Variants in DNER observed in about 807,000 individuals in gnomAD.
DNER encodes the protein delta and Notch-like epidermal growth factor-related receptor.
In DNER, 33 loss-of-function variants were observed where a neutral mutation model predicts 78.2. The observed-to-expected ratio is 0.42, with a 90% confidence interval of 0.32 to 0.56. The LOEUF (loss-of-function observed/expected upper bound fraction) is 0.56, where lower values mean the gene tolerates loss of function less well. Among genes scored for constraint, DNER ranks in the 20% least tolerant of loss-of-function variants. The pLI, the probability that DNER is intolerant of heterozygous loss-of-function variation, is 0.11. For synonymous variants in DNER, 417 were observed against 384.8 expected (o/e 1.08, Z -0.98); for missense variants, 918 against 975.3 (o/e 0.94, Z 0.78).
In DNER at chr2:229,509,089, G is replaced by A. The variant is rs149972504; in HGVS notation, c.1147+3694C>T. On this transcript the variant is annotated intron_variant, in intron 6 of 12. Transcript: ENST00000341772. ...GGTTTCACTGGTGCTTAGCAAATAT[G>A]TAAAAATAGGCTATGCGTGAACAAG... Among the ~76,000 whole-genome samples the A allele has an allele frequency of 1.2e-4, 18 of 152,264 alleles. No homozygotes were observed. In the East Asian group the frequency reaches 3.3e-3, roughly 28 times the overall value.
At chr2:229,472,485 G>A (rs1276377899) in intron 7 of DNER, among the ~76,000 whole-genome samples, 2 of 152,082 alleles carry the variant, frequency 1.3e-5, no homozygotes, top group Non-Finnish European at 2.9e-5. Flanking sequence ...TTAAGATACT[G>A]ATAATGGCTA....
chr2:229,519,555 C>G (rs895566994), intron 5 of DNER, among the ~76,000 whole-genome samples: 4 of 151,976 alleles, frequency 2.6e-5, no homozygotes, highest in Admixed American at 2.6e-4. Flanking sequence ...AGAACAGACT[C>G]AAAAAAGAGG....
At chr2:229,695,280 A>G (rs558246794) in intron 1 of DNER, among the ~76,000 whole-genome samples, 18 of 152,314 alleles carry the variant, frequency 1.2e-4, no homozygotes, top group Non-Finnish European at 4.4e-5. Flanking sequence ...CTCATCATCT[A>G]TCAAGTAGGG....
intron 1 of DNER, among the ~76,000 whole-genome samples, chr2:229,686,399 A>G (rs900217883): frequency 6.6e-6 from 1 of 152,156 alleles, no homozygotes; most frequent in African/African-American, 2.4e-5. Flanking sequence ...ATGCTGCAGC[A>G]TGGTGGACTC....
chr2:229,466,344 C>T (rs780951165), intron 7 of DNER, among the ~76,000 whole-genome samples: 2 of 152,170 alleles, frequency 1.3e-5, no homozygotes, highest in African/African-American at 2.4e-5. Context: ...TCCCTAACCT[C>T]GCCCTGCTTT....
At chr2:229,654,624 T>C (rs555624126) in intron 1 of DNER, among the ~76,000 whole-genome samples, 17 of 152,280 alleles carry the variant, frequency 1.1e-4, no homozygotes, top group African/African-American at 3.8e-4. Context: ...GGTCCCGAAT[T>C]CCAACTCTCT....
At chr2:229,574,690 T>C (rs941557048) in intron 4 of DNER, among the ~76,000 whole-genome samples, 1 of 152,188 alleles carries the variant, frequency 6.6e-6, no homozygotes, top group Non-Finnish European at 1.5e-5. Context: ...AGAGTCTTTT[T>C]CATTCTTCAA....
At chr2:229,521,643 C>T (rs921801995) in intron 5 of DNER, among the ~76,000 whole-genome samples, 3 of 152,194 alleles carry the variant, frequency 2.0e-5, no homozygotes, top group Non-Finnish European at 4.4e-5. Flanking sequence ...TAACCTCCTA[C>T]TAAACCCAGA....
At chr2:229,478,547 G>A (rs1339732707) in intron 6 of DNER, among the ~76,000 whole-genome samples, 1 of 152,098 alleles carries the variant, frequency 6.6e-6, no homozygotes, top group East Asian at 1.9e-4. Flanking sequence ...CAAACACCAG[G>A]AGAAAAGGCT....
intron 5 of DNER, among the ~76,000 whole-genome samples, chr2:229,520,411 C>T (rs144274899): frequency 9.9e-5 from 15 of 152,258 alleles, no homozygotes; most frequent in African/African-American, 2.6e-4. Context: ...TGCTAAAGGA[C>T]CCCCCAGGCC....
intron 10 of DNER, among the ~76,000 whole-genome samples, chr2:229,406,991 A>C (rs569454198): frequency 1.3e-5 from 2 of 152,222 alleles, no homozygotes; most frequent in African/African-American, 4.8e-5. Flanking sequence ...GGAAAGGTAC[A>C]GTAATGATAG....
chr2:229,387,865 G>C (rs1007392956), intron 11 of DNER, among the ~76,000 whole-genome samples: 8 of 65,724 alleles, frequency 1.2e-4, no homozygotes, highest in Non-Finnish European at 2.4e-4. Context: ...TTTGCATTCT[G>C]TGTGTGTGTG....
Position 229,388,376 on chromosome 2 carries a change from TGTCAATGTC to T in DNER, c.1735_1743del (p.Asp579_Asp581del). The T allele has an allele frequency of 6.2e-7, 1 of 1,611,544 alleles. No individual in the cohort carries two copies. The highest frequency in any genetic ancestry group is 8.5e-7 in the Non-Finnish European group (1 of 1,178,838). On this transcript the variant is annotated inframe_deletion, in exon 11 of 13. Coordinates refer to ENST00000341772, the MANE Select transcript of DNER (RefSeq NM_139072.4). ...CAGGGGTTACTGTCACATTCATTTA[TGTCAATGTC>T]GCACTCTTCACCTAGGGAGATAAGA...
rs1488166982 is a variant in DNER, at chr2:229,477,219, A to G, written c.1182T>C (p.Asp394=). The G allele has an allele frequency of 1.2e-6, 2 of 1,613,840 alleles. No individual in the cohort carries two copies. Among genetic ancestry groups the G allele is most frequent in the African/African-American group, 1.3e-5 (1 of 75,040 alleles). Residue 394 remains aspartate (D), a synonymous_variant, in exon 7 of 13, where the codon GAT becomes GAC. Transcript: ENST00000341772. ...YTGELCQSKI[D]YCILDPCRNG... ...TTCTGCATGGGTCTAGGATGCAGTAATCAATCTTGGACTGGCAAAGCTCTC... is the reference window on the plus strand; with the variant it reads ...TTCTGCATGGGTCTAGGATGCAGTAGTCAATCTTGGACTGGCAAAGCTCTC...
chr2:229,535,078 G>A (rs113399764), intron 5 of DNER, among the ~76,000 whole-genome samples: 10 of 152,144 alleles, frequency 6.6e-5, no homozygotes, highest in Admixed American at 2.0e-4. Flanking sequence ...TCAGGTGATC[G>A]GCCTGCGTCG....
In DNER at chr2:229,512,907, CT is replaced by C. The variant is rs1695896078; in HGVS notation, c.1022del (p.Gln341ArgfsTer58). On this transcript the variant is annotated frameshift_variant, in exon 6 of 13. Transcript: ENST00000341772. LOFTEE classifies it high-confidence loss of function. ...ATTCTTCACAGAAAGTACCCACGTA[CT>C]GCTCCTCACAGGTACAGGAAAAAGT... ...EATFSCTCEE[Q>X]YVGTFCEEYD... is the part of the protein sequence containing the mutation. 6.2e-7 allele frequency: 1 copy of C among 1,614,000 alleles called. No homozygotes were observed. Among genetic ancestry groups the C allele is most frequent in the Non-Finnish European group, 8.5e-7 (1 of 1,179,996 alleles).
chr2:229,527,674 C>CT (rs1344503913), intron 5 of DNER, among the ~76,000 whole-genome samples: 1 of 152,172 alleles, frequency 6.6e-6, no homozygotes, highest in African/African-American at 2.4e-5. Context: ...GTTTGAGTTA[C>CT]TTCTATTTTT....
chr2:229,685,067 T>C (rs917629059), intron 1 of DNER, among the ~76,000 whole-genome samples: 1 of 152,238 alleles, frequency 6.6e-6, no homozygotes, highest in Non-Finnish European at 1.5e-5. Context: ...TTTATCTTTG[T>C]TGATTTTTTT....
chr2:229,586,424 C>T (rs1431727749), intron 3 of DNER, among the ~76,000 whole-genome samples: 5 of 125,610 alleles, frequency 4.0e-5, no homozygotes, highest in Admixed American at 3.4e-4. Flanking sequence ...TTCCCCAACA[C>T]CCCCCACCCA....
Sources: allele counts gnomAD v4.1 joint callset (sites outside exome capture counted in the v4.1 genomes callset), GRCh38; gene constraint gnomAD v4.1.1; transcripts MANE v1.5; gene names NCBI Gene and HGNC (gene_info 2026-07-23, HGNC 2026-07-21).